The following CDCA2 variants were observed in gnomAD, a reference collection of about 807,000 sequenced individuals.
The protein encoded by CDCA2 is cell division cycle-associated protein 2.
CDCA2 carries 44 observed loss-of-function variants against 67.0 expected under a neutral mutation model. The ratio of observed to expected loss-of-function variants is 0.66; its 90% CI spans 0.52 to 0.84. The LOEUF (loss-of-function observed/expected upper bound fraction) is 0.84. Ranked by LOEUF, CDCA2 falls within the 40% of genes least tolerant of loss-of-function variation. The pLI is 0.00. For missense variants in CDCA2, 1,253 were observed against 1,203.2 expected, an observed-to-expected ratio of 1.04 and a Z score of -0.61; for synonymous variants, 447 against 418.7, an observed-to-expected ratio of 1.07 and a Z score of -0.82.
At position 25,488,645 on chromosome 8, in the gene CDCA2, C is replaced by G. The variant is rs912311664; in HGVS notation, c.1627C>G (p.Gln543Glu). ...KEKKINRRKS[Q>E]ETKCTKRALP... Reference sequence around the variant, plus strand: ...AAAGAAAATTAATAGGAGGAAGTCTCAAGAAACAAAGTGTACAAAGAGAGC... The same window carrying G: ...AAAGAAAATTAATAGGAGGAAGTCTGAAGAAACAAAGTGTACAAAGAGAGC... The change falls in exon 13 of 15, where the codon CAA becomes GAA. Residue 543 changes from glutamine to glutamate, a missense_variant. By Grantham distance (29) the Gln-to-Glu change is conservative. Coordinates refer to ENST00000330560, the MANE Select transcript of CDCA2 (RefSeq NM_152562.4). 1.9e-6 allele frequency: 3 copies of G among 1,612,430 alleles called. No individual in the cohort carries two copies. The highest frequency in any genetic ancestry group is 8.5e-7 in the Non-Finnish European group (1 of 1,179,466).
Position 25,483,974 on chromosome 8 carries a change from GAA to G in CDCA2, c.1132_1133del (p.Asn378PhefsTer2), listed in dbSNP as rs1333580325. The G allele has an allele frequency of 6.2e-7, 1 of 1,612,734 alleles. No homozygotes were observed. Among genetic ancestry groups the G allele is most frequent in the East Asian group, 2.2e-5 (1 of 44,866 alleles). Reference protein sequence around the residue: ...CCKEKEAEDEENFEAPAFLNM... With the variant: ...CCKEKEAEDEXNFEAPAFLNM... ...TTATTGTCTAATTATAGAAGATGAA[GAA>G]AATTTTGAAGCACCTGCCTTTCTAA... On this transcript the variant is annotated frameshift_variant, in exon 10 of 15. Coordinates refer to ENST00000330560, the MANE Select transcript of CDCA2 (RefSeq NM_152562.4). LOFTEE classifies it high-confidence loss of function.
rs60633246 is a variant in CDCA2, at chr8:25,498,453, ACCCCC to A, written c.1672-4914_1672-4910del. On this transcript the variant is annotated intron_variant, in intron 13 of 14. Transcript: ENST00000330560. The stretch of plus-strand genomic sequence containing the variant: ...AAACCCCTGTCCTCAGGTAATCTGC[ACCCCC>A]CCCCCGCCCCCCAGGCCTCCCAAAG... Among the ~76,000 whole-genome samples, 10 of 76,666 alleles carry A rather than the reference ACCCCC, an allele frequency of 1.3e-4. No individual in the cohort carries two copies. The East Asian group carries it at 1.5e-3, about 11-fold the overall frequency. The allele number at this position is 76,666 out of a possible 152,430, so 50.3% of individuals were successfully genotyped here.
chr8:25,464,331 G>A (rs1371325649), intron 4 of CDCA2, among the ~76,000 whole-genome samples: 1 of 152,174 alleles, frequency 6.6e-6, no homozygotes, highest in Non-Finnish European at 1.5e-5. Flanking sequence ...TTGGAGGATC[G>A]TTTGAGCCCA....
At chr8:25,505,088 C>G (rs561828096) in intron 14 of CDCA2, among the ~76,000 whole-genome samples, 2 of 152,176 alleles carry the variant, frequency 1.3e-5, no homozygotes, top group East Asian at 3.9e-4. Flanking sequence ...AATTCAGCTC[C>G]TTGCTTCCTT....
chr8:25,474,111 T>G (rs1803260124), intron 7 of CDCA2, among the ~76,000 whole-genome samples: 1 of 152,226 alleles, frequency 6.6e-6, no homozygotes, highest in Non-Finnish European at 1.5e-5. Context: ...GATTTGCATA[T>G]GTTGAACCAT....
intron 6 of CDCA2, among the ~76,000 whole-genome samples, chr8:25,469,053 C>T (rs376455290): frequency 5.3e-5 from 8 of 152,310 alleles, no homozygotes; most frequent in East Asian, 1.9e-4. Flanking sequence ...CCTGCGCGCA[C>T]GCGTGAATGG....
chr8:25,462,623 CAA>C (rs58705872), intron 4 of CDCA2, among the ~76,000 whole-genome samples: 1 of 101,978 alleles, frequency 9.8e-6, no homozygotes, highest in Non-Finnish European at 2.2e-5. Flanking sequence ...GAGACTGTCT[CAA>C]AAAAAAAAAA....
intron 4 of CDCA2, among the ~76,000 whole-genome samples, chr8:25,465,181 C>G (rs2117480219): frequency 6.6e-6 from 1 of 152,300 alleles, no homozygotes; most frequent in African/African-American, 2.4e-5. Context: ...ACCATGTTAG[C>G]CAGGCTGGTC....
chr8:25,504,695 C>A (rs1804609882), intron 14 of CDCA2, among the ~76,000 whole-genome samples: 1 of 152,158 alleles, frequency 6.6e-6, no homozygotes, highest in South Asian at 2.1e-4. Flanking sequence ...CACTCTTCTC[C>A]TGCCATGCTT....
chr8:25,463,339 A>G (rs1466197203), intron 4 of CDCA2, among the ~76,000 whole-genome samples: 1 of 152,236 alleles, frequency 6.6e-6, no homozygotes, highest in Non-Finnish European at 1.5e-5. Context: ...TAAATATACA[A>G]TGGTGGTCTC....
intron 5 of CDCA2, 60 bp from the exon 6 acceptor site, chr8:25,468,157 A>G (rs897439118): frequency 2.0e-5 from 13 of 657,480 alleles, no homozygotes; most frequent in Non-Finnish European, 2.8e-5. Context: ...AAAAAAATAT[A>G]TATAATATAT....
At chr8:25,475,468 G>A (rs1803312782) in intron 7 of CDCA2, among the ~76,000 whole-genome samples, 4 of 152,176 alleles carry the variant, frequency 2.6e-5, no homozygotes, top group African/African-American at 9.7e-5. Context: ...GCAGTGAGCC[G>A]AGATTGCACC....
At chr8:25,488,966 A>C (rs6557844) in intron 13 of CDCA2, among the ~76,000 whole-genome samples, 83,287 of 151,928 alleles carry the variant, frequency 0.55, 24,383 homozygotes, top group Middle Eastern at 0.66. Flanking sequence ...CTCATCTTTG[A>C]ATCTACCCCA....
rs1326595601 is a variant in CDCA2 at position 25,506,518 on chromosome 8, A to C, written c.1852A>C (p.Ser618Arg). ...TATTTACATGCCCATAGGTTATTTC[A>C]GTTCAAATGGCAAACTGGAAGAAGT... ...SIRRLGSGYF[S>R]SNGKLEEVKT... Residue 618 changes from serine (S) to arginine (R), a missense_variant, in exon 15 of 15, where the codon AGT (serine) becomes CGT (arginine). Coordinates refer to ENST00000330560, the MANE Select transcript of CDCA2 (RefSeq NM_152562.4). 2 of 1,566,980 alleles carry C rather than the reference A, an allele frequency of 1.3e-6. No homozygotes were observed. Among genetic ancestry groups the C allele is most frequent in the Admixed American group, 2.1e-5 (1 of 48,216 alleles).
At chr8:25,466,122 A>G (rs1802890123) in intron 4 of CDCA2, 53 bp from the exon 5 acceptor site, 1 of 1,526,130 alleles carries the variant, frequency 6.6e-7, no homozygotes, top group African/African-American at 1.4e-5. Flanking sequence ...GGCCTAGAAT[A>G]TAGAAAGTAT....
chr8:25,498,689 C>T (rs1017065938), intron 13 of CDCA2, among the ~76,000 whole-genome samples: 1 of 152,058 alleles, frequency 6.6e-6, no homozygotes, highest in Non-Finnish European at 1.5e-5. Flanking sequence ...ACAGCTTTCC[C>T]ATGGCCCTTT....
chr8:25,478,678 A>G (rs1353987539), intron 7 of CDCA2, among the ~76,000 whole-genome samples: 1 of 152,056 alleles, frequency 6.6e-6, no homozygotes, highest in Non-Finnish European at 1.5e-5. Flanking sequence ...TGCCAGGTAC[A>G]TCTTTACCTC....
chr8:25,488,953 A>G (rs773949348), intron 13 of CDCA2, among the ~76,000 whole-genome samples: 2 of 152,110 alleles, frequency 1.3e-5, no homozygotes, highest in Non-Finnish European at 2.9e-5. Flanking sequence ...TGAAATTCTC[A>G]TTCTCATCTT....
intron 13 of CDCA2, among the ~76,000 whole-genome samples, chr8:25,500,366 AATAAC>A (rs1335936371): frequency 6.6e-6 from 1 of 151,908 alleles, no homozygotes; most frequent in Non-Finnish European, 1.5e-5. Context: ...CAATAATACT[AATAAC>A]ATAATTTAAT....
Sources: gnomAD v4.1 joint callset for allele counts (sites outside exome capture counted in the v4.1 genomes callset) on GRCh38, gnomAD v4.1.1 for gene constraint, MANE v1.5 for transcripts, NCBI Gene and HGNC (gene_info 2026-07-23, HGNC 2026-07-21) for gene names.